Variants in GSE1 observed in about 807,000 individuals in gnomAD.
The protein encoded by GSE1 is Gse1 coiled-coil protein.
Under a neutral mutation model 112.6 loss-of-function variants are expected in GSE1, and 32 were observed. The observed-to-expected ratio is 0.28, with a 90% CI of 0.21 to 0.38. GSE1 has a LOEUF of 0.38. Ranked by LOEUF, GSE1 falls within the 10% of genes least tolerant of loss-of-function variation. The probability of loss-of-function intolerance (pLI) is 1.00; values close to 1 mark genes in which losing one functional copy is unlikely to be tolerated. For synonymous variants in GSE1, 1,115 were observed against 735.6 expected, an observed-to-expected ratio of 1.52 and a Z score of -8.35; for missense variants, 2,348 against 1,699.2, an observed-to-expected ratio of 1.38 and a Z score of -6.71.
chr16:85,523,227 CT>C (rs1484991639), intron 2 of GSE1, among the ~76,000 whole-genome samples: 1 of 141,278 alleles, frequency 7.1e-6, no homozygotes, highest in South Asian at 2.2e-4. Context: ...TGTGTGTCCC[CT>C]GTGTGTTGTG....
At chr16:85,207,153 C>T (rs934899575) in intron 1 of GSE1, among the ~76,000 whole-genome samples, 3 of 152,204 alleles carry the variant, frequency 2.0e-5, no homozygotes, top group Non-Finnish European at 4.4e-5. Context: ...GCATCTCCAC[C>T]TTCAGGGAGG....
At chr16:85,260,453 G>T (rs112275099) in intron 1 of GSE1, among the ~76,000 whole-genome samples, 2 of 150,524 alleles carry the variant, frequency 1.3e-5, no homozygotes, top group South Asian at 2.1e-4. Flanking sequence ...GTCCCAAGTC[G>T]CTGGGATTAC....
chr16:85,393,899 G>T (rs1054777341), intron 2 of GSE1, among the ~76,000 whole-genome samples: 1 of 152,152 alleles, frequency 6.6e-6, no homozygotes, highest in Non-Finnish European at 1.5e-5. Context: ...TTGGCCGCCA[G>T]CTTGCGCCCG....
intron 2 of GSE1, among the ~76,000 whole-genome samples, chr16:85,502,207 C>T (rs902817544): frequency 1.3e-5 from 2 of 152,170 alleles, no homozygotes; most frequent in East Asian, 1.9e-4. Context: ...ATATGGGCTG[C>T]GTCCCGAGAG....
chr16:85,303,487 C>G (rs898937351), intron 1 of GSE1, among the ~76,000 whole-genome samples: 1 of 152,244 alleles, frequency 6.6e-6, no homozygotes, highest in African/African-American at 2.4e-5. Context: ...CGCCGCTGTC[C>G]GCCGCTTGCT....
Position 85,248,442 on chromosome 16 carries a change from C to A in GSE1, c.2283+76635C>A, listed in dbSNP as rs546988043. Reference sequence around the variant, plus strand: ...TTTTCTCTTCCCGCATCTCTCTCTCCCTTTTTCTCTCACGCTCCCTCCTTT... The same window carrying A: ...TTTTCTCTTCCCGCATCTCTCTCTCACTTTTTCTCTCACGCTCCCTCCTTT... On this transcript the variant is annotated intron_variant, in intron 1 of 2. Coordinates refer to the GSE1 transcript ENST00000637419. 2.6e-5 allele frequency among the ~76,000 whole-genome samples: 4 copies of A among 152,070 alleles called. No homozygotes were observed. The South Asian group carries it at 8.3e-4, about 32-fold the overall frequency.
At chr16:85,469,288 CA>C (rs1352275348) in intron 2 of GSE1, among the ~76,000 whole-genome samples, 1 of 151,624 alleles carries the variant, frequency 6.6e-6, no homozygotes, top group Non-Finnish European at 1.5e-5. Flanking sequence ...AATTCAATGA[CA>C]GGGGCCCTTA....
chr16:85,504,976 C>G (rs974271339), intron 2 of GSE1, among the ~76,000 whole-genome samples: 2 of 151,802 alleles, frequency 1.3e-5, no homozygotes, highest in Non-Finnish European at 2.9e-5. Flanking sequence ...TCCTTCTGTT[C>G]CCAACCATTC....
chr16:85,457,195 A>G (rs925269433), intron 2 of GSE1, among the ~76,000 whole-genome samples: 2 of 152,152 alleles, frequency 1.3e-5, no homozygotes, highest in Admixed American at 1.3e-4. Context: ...ATAGCCAGAT[A>G]AGGATGAGGA....
intron 2 of GSE1, among the ~76,000 whole-genome samples, chr16:85,430,591 GCCCTCTCCACA>G (rs2049096269): frequency 6.6e-6 from 1 of 152,220 alleles, no homozygotes. Context: ...GCGGCGTTCA[GCCCTCTCCACA>G]CGGCAGTCAC....
At chr16:85,514,736 C>G (rs1338637715) in intron 2 of GSE1, among the ~76,000 whole-genome samples, 1 of 152,146 alleles carries the variant, frequency 6.6e-6, no homozygotes, top group African/African-American at 2.4e-5. Flanking sequence ...GCCCCGAGTG[C>G]CTGCTCTCTG....
chr16:85,670,344 G>C (rs963144731), intron 14 of GSE1, among the ~76,000 whole-genome samples: 1 of 152,182 alleles, frequency 6.6e-6, no homozygotes, highest in African/African-American at 2.4e-5. Context: ...CCATTAAAGA[G>C]TGAAGGTTCC....
In GSE1 at chr16:85,171,796, G is replaced by A. The variant is rs76396171; in HGVS notation, c.2272G>A (p.Ala758Thr). The A allele has an allele frequency of 1.0e-5, 10 of 985,560 alleles. 1 individual carries two copies. The East Asian group carries it at 1.0e-3, about 100-fold the overall frequency. 61.1% of individuals were successfully genotyped at this position (985,560 alleles called of 1,614,324 possible). ...CATGAGCTGGAGCTCCCCGGTGGCA[G>A]CAGCGACGAAGGTAAGCAGCAGTTT... is the stretch of plus-strand genomic sequence containing the variant. The change falls in exon 1 of 3, where the codon GCA becomes ACA. Residue 758 changes from alanine to threonine, a missense_variant. Physicochemically the swap from Ala to Thr is moderately conservative, Grantham distance 58. Coordinates refer to the GSE1 transcript ENST00000637419.
At chr16:85,647,806 C>T (rs977874977) in intron 2 of GSE1, among the ~76,000 whole-genome samples, 2 of 152,166 alleles carry the variant, frequency 1.3e-5, no homozygotes, top group African/African-American at 4.8e-5. Flanking sequence ...AGGATGGTCT[C>T]GAACTCCTGA....
intron 3 of GSE1, among the ~76,000 whole-genome samples, chr16:85,650,876 C>T (rs895943638): frequency 6.6e-6 from 1 of 151,944 alleles, no homozygotes; most frequent in African/African-American, 2.4e-5. Flanking sequence ...GGCTTCTCGG[C>T]CCCTTCTCGG....
At chr16:85,553,233 G>A (rs2045016800), upstream of GSE1, among the ~76,000 whole-genome samples, 2 of 149,384 alleles carry the variant, frequency 1.3e-5, no homozygotes, top group African/African-American at 4.9e-5. Flanking sequence ...CCGGCGGGGC[G>A]CGCGGGGTGG....
chr16:85,531,417 C>T (rs983657125), intron 2 of GSE1, among the ~76,000 whole-genome samples: 3 of 151,994 alleles, frequency 2.0e-5, no homozygotes, highest in Non-Finnish European at 4.4e-5. Context: ...CACAGACTCT[C>T]GTCCATAGAT....
At chr16:85,362,369 T>C (rs767709850) in intron 2 of GSE1, among the ~76,000 whole-genome samples, 1 of 152,190 alleles carries the variant, frequency 6.6e-6, no homozygotes, top group Non-Finnish European at 1.5e-5. Context: ...GGAACAGGCT[T>C]CCCTAGAACA....
intron 1 of GSE1, among the ~76,000 whole-genome samples, chr16:85,182,088 C>T (rs1023132921): frequency 1.3e-5 from 2 of 152,192 alleles, no homozygotes; most frequent in African/African-American, 2.4e-5. Flanking sequence ...GCATCCCCAG[C>T]AAGGCTGTTC....
Sources: gnomAD v4.1 joint callset for allele counts (sites outside exome capture counted in the v4.1 genomes callset) on GRCh38, gnomAD v4.1.1 for gene constraint, MANE v1.5 for transcripts, NCBI Gene and HGNC (gene_info 2026-07-23, HGNC 2026-07-21) for gene names.